GNG10: variants seen among roughly 807,000 people sequenced by gnomAD.
GNG10 encodes G protein subunit gamma 10.
GNG10 carries 7 observed loss-of-function variants against 6.8 expected under a neutral mutation model. The observed-to-expected ratio is 1.02, with a 90% CI of 0.58 to 1.92. GNG10 has a LOEUF of 1.92. Ranked by LOEUF, GNG10 falls within the 30% of genes most tolerant of loss-of-function variation. GNG10 has a pLI of 0.00. For missense variants in GNG10, 57 were observed against 86.1 expected, an observed-to-expected ratio of 0.66 and a Z score of 1.34; for synonymous variants, 28 against 34.8, an observed-to-expected ratio of 0.80 and a Z score of 0.69.
In GNG10 at chr9:111,669,384, G is replaced by A. The variant is rs564998483; in HGVS notation, c.*122G>A. The stretch of plus-strand genomic sequence containing the variant: ...AGAGATATTTCAGCCCTTTCCTGTG[G>A]CCTGGTCCTATAGCCAAAATCACAG... On this transcript the variant is annotated 3_prime_UTR_variant, in exon 3 of 3. Coordinates refer to ENST00000374293, the MANE Select transcript of GNG10 (RefSeq NM_001017998.4). 6.6e-6 allele frequency: 1 copy of A among 152,158 alleles called. No homozygotes were observed. The allele number at this position is 152,158 out of a possible 1,614,324, so 9.4% of individuals were successfully genotyped here.
Position 111,670,032 on chromosome 9 carries a change from G to T in GNG10, c.*770G>T, listed in dbSNP as rs1830973916. 1 of 151,922 alleles carries T rather than the reference G, an allele frequency of 6.6e-6. No individual in the cohort carries two copies. The highest frequency in any genetic ancestry group is 1.5e-5 in the Non-Finnish European group (1 of 67,934). The allele number at this position is 151,922 out of a possible 1,614,324, so 9.4% of individuals were successfully genotyped here. A position where few individuals can be genotyped will look rare whatever the true frequency, so the allele number is the denominator to read the frequency against. On this transcript the variant is annotated 3_prime_UTR_variant, in exon 3 of 3. Transcript: ENST00000374293. The stretch of plus-strand genomic sequence containing the variant: ...TCATATATTTAAAAATGTTTAAAAT[G>T]TGACCCACAGAACATTGTAAATGAT...
At chr9:111,666,745 TCAGAA>T (rs1376496462) in intron 1 of GNG10, 65 bp from the exon 2 acceptor site, 1 of 1,528,958 alleles carries the variant, frequency 6.5e-7, no homozygotes, top group Admixed American at 1.9e-5. Flanking sequence ...ATGATCGTTT[TCAGAA>T]TATCCTTGAC....
In GNG10 at chr9:111,666,912, G is replaced by A. The variant is rs754379804; in HGVS notation, c.179G>A (p.Arg60Gln). 10 of 1,614,022 alleles carry A rather than the reference G, an allele frequency of 6.2e-6. No individual in the cohort carries two copies. Among genetic ancestry groups the A allele is most frequent in the South Asian group, 4.4e-5 (4 of 91,072 alleles). ...VGVPAGSNPF[R>Q]EPRSCALL ...GTTCCAGCTGGAAGTAACCCCTTCC[G>A]GGAGCCTAGATCCTGTGCTTTACTC... is the stretch of plus-strand genomic sequence containing the variant. The change falls in exon 2 of 3, where the codon CGG becomes CAG. Residue 60 changes from arginine (R) to glutamine (Q), a missense_variant. By Grantham distance (43) the Arg-to-Gln change is conservative. Coordinates refer to ENST00000374293, the MANE Select transcript of GNG10 (RefSeq NM_001017998.4).
chr9:111,665,371 T>C (rs549578551), intron 1 of GNG10, among the ~76,000 whole-genome samples: 1 of 152,354 alleles, frequency 6.6e-6, no homozygotes, highest in Admixed American at 6.5e-5. Flanking sequence ...AAAAGATTTA[T>C]ACTCACAGTT....
intron 2 of GNG10, among the ~76,000 whole-genome samples, chr9:111,668,442 TCC>T (rs1589358040): frequency 9.2e-5 from 11 of 119,368 alleles, no homozygotes; most frequent in East Asian, 3.1e-4. Flanking sequence ...TCCCCTCCCC[TCC>T]CCTCCCCTCT....
intron 1 of GNG10, among the ~76,000 whole-genome samples, chr9:111,664,036 T>G (rs1830864293): frequency 6.7e-6 from 1 of 150,140 alleles, no homozygotes. Context: ...AGTTTCACCA[T>G]ATTGGCCAGG....
At position 111,661,685 on chromosome 9, in the gene GNG10, C is replaced by G; in HGVS notation, c.51C>G (p.Leu17=). ...CCCTGCAGCGCTTGGTAGAGCAGCT[C>G]AAGTTGGAGGCTGGCGTGGAGAGGA... ...ASALQRLVEQ[L]KLEAGVERIK... The change falls in exon 1 of 3, where the codon CTC becomes CTG. Residue 17 remains leucine, a synonymous_variant. Transcript: ENST00000374293. The surrounding 1 kb of genome is among the most constrained non-coding windows in gnomAD (Gnocchi z 6.1). 2 of 1,386,524 alleles carry G rather than the reference C, an allele frequency of 1.4e-6. No individual in the cohort carries two copies. The highest frequency in any genetic ancestry group is 1.5e-5 in the African/African-American group (1 of 66,828). 85.9% of individuals were successfully genotyped at this position (1,386,524 alleles called of 1,614,324 possible). A position where few individuals can be genotyped will look rare whatever the true frequency, so the allele number is the denominator to read the frequency against.
At chr9:111,662,745 G>A (rs984830399) in intron 1 of GNG10, among the ~76,000 whole-genome samples, 1 of 152,204 alleles carries the variant, frequency 6.6e-6, no homozygotes, top group Non-Finnish European at 1.5e-5. Flanking sequence ...CATGTACTAA[G>A]TGGAGTGAAG....
chr9:111,666,643 T>C (rs1270364941), intron 1 of GNG10, among the ~76,000 whole-genome samples, 172 bp from the exon 2 acceptor site: 1 of 152,260 alleles, frequency 6.6e-6, no homozygotes, highest in African/African-American at 2.4e-5. Context: ...TTCATGGAAA[T>C]TGTAACCTTT....
At chr9:111,666,741 G>A (rs978093968) in intron 1 of GNG10, 74 bp from the exon 2 acceptor site, 16 of 1,521,238 alleles carry the variant, frequency 1.1e-5, no homozygotes, top group East Asian at 2.3e-5. Context: ...TTGGATGATC[G>A]TTTTCAGAAT....
chr9:111,662,735 C>T (rs918399461), intron 1 of GNG10, among the ~76,000 whole-genome samples: 5 of 152,114 alleles, frequency 3.3e-5, no homozygotes, highest in African/African-American at 7.2e-5. Flanking sequence ...AGCATCGCTT[C>T]ATGTACTAAG....
At chr9:111,666,216 CTATTTCTAAT>C (rs1830895899) in intron 1 of GNG10, among the ~76,000 whole-genome samples, 1 of 152,134 alleles carries the variant, frequency 6.6e-6, no homozygotes, top group Non-Finnish European at 1.5e-5. Flanking sequence ...AGGTGAGTTA[CTATTTCTAAT>C]TATTTCTCAG....
intron 2 of GNG10, 22 bp downstream of exon 2, chr9:111,666,968 T>C: frequency 6.2e-7 from 1 of 1,613,220 alleles, no homozygotes; most frequent in Non-Finnish European, 8.5e-7. Context: ...TACACCATGA[T>C]GTCTTGGGCC....
chr9:111,662,776 A>C (rs554067054), intron 1 of GNG10, among the ~76,000 whole-genome samples: 2 of 152,298 alleles, frequency 1.3e-5, no homozygotes, highest in East Asian at 3.9e-4. Flanking sequence ...GGGTAAAGGG[A>C]GAGAGGGCTG....
intron 1 of GNG10, among the ~76,000 whole-genome samples, chr9:111,665,830 G>A (rs1830887247): frequency 6.6e-6 from 1 of 151,390 alleles, no homozygotes; most frequent in Non-Finnish European, 1.5e-5. Context: ...GGGTTCAAGC[G>A]ATTCTCCTGC....
At chr9:111,668,428 T>TCCCCTC (rs1830940572) in intron 2 of GNG10, among the ~76,000 whole-genome samples, 4 of 119,546 alleles carry the variant, frequency 3.3e-5, no homozygotes, top group South Asian at 2.8e-4. Flanking sequence ...GCTTCCTTCT[T>TCCCCTC]CCCTCCCCTC....
chr9:111,665,839 G>T (rs1830887576), intron 1 of GNG10, among the ~76,000 whole-genome samples: 1 of 151,088 alleles, frequency 6.6e-6, no homozygotes, highest in Non-Finnish European at 1.5e-5. Context: ...CGATTCTCCT[G>T]CCTCAACCTC....
chr9:111,667,839 T>C (rs979180715), intron 2 of GNG10, among the ~76,000 whole-genome samples: 1 of 152,186 alleles, frequency 6.6e-6, no homozygotes, highest in African/African-American at 2.4e-5. Context: ...ATGCTTTGTA[T>C]TGGGGTCATT....
Position 111,661,689 on chromosome 9 carries a change from T to C in GNG10, c.55T>C (p.Leu19=), listed in dbSNP as rs776339434. ...GCAGCGCTTGGTAGAGCAGCTCAAGTTGGAGGCTGGCGTGGAGAGGATCAA... is the reference window on the plus strand; with the variant it reads ...GCAGCGCTTGGTAGAGCAGCTCAAGCTGGAGGCTGGCGTGGAGAGGATCAA... ...ALQRLVEQLK[L]EAGVERIKVS... Residue 19 remains leucine, a synonymous_variant, in exon 1 of 3, where the codon TTG becomes CTG. Transcript: ENST00000374293. The surrounding 1 kb of genome is among the most constrained non-coding windows in gnomAD (Gnocchi z 6.1). 8 of 1,383,552 alleles carry C rather than the reference T, an allele frequency of 5.8e-6. No homozygotes were observed. The highest frequency in any genetic ancestry group is 2.9e-5 in the South Asian group (2 of 68,568). The allele number at this position is 1,383,552 out of a possible 1,614,324, so 85.7% of individuals were successfully genotyped here.
Sources: allele counts gnomAD v4.1 joint callset (sites outside exome capture counted in the v4.1 genomes callset), GRCh38; gene constraint gnomAD v4.1.1; non-coding constraint Gnocchi (gnomAD v3.1); transcripts MANE v1.5; gene names NCBI Gene and HGNC (gene_info 2026-07-23, HGNC 2026-07-21).